The following TECRL variants were observed in gnomAD, a reference collection of about 807,000 sequenced individuals.
TECRL encodes trans-2,3-enoyl-CoA reductase-like.
In TECRL, 63 loss-of-function variants were observed where a neutral mutation model predicts 52.8. That is an observed-to-expected ratio of 1.19 (90% CI 0.97 to 1.47). The LOEUF (loss-of-function observed/expected upper bound fraction) is 1.47. Ranked by LOEUF, TECRL falls within the 40% of genes most tolerant of loss-of-function variation. The pLI is 0.00. For missense variants in TECRL, 482 were observed against 429.6 expected, an observed-to-expected ratio of 1.12 and a Z score of -1.08; for synonymous variants, 164 against 141.9, an observed-to-expected ratio of 1.16 and a Z score of -1.10.
intron 1 of TECRL, among the ~76,000 whole-genome samples, chr4:64,403,439 A>G (rs1234371693): frequency 6.6e-6 from 1 of 151,212 alleles, no homozygotes; most frequent in Non-Finnish European, 1.5e-5. Context: ...CTAGCAAGCA[A>G]GCAAGCAAAC....
chr4:64,402,538 C>A (rs1724424727), intron 1 of TECRL, among the ~76,000 whole-genome samples: 1 of 151,922 alleles, frequency 6.6e-6, no homozygotes, highest in Non-Finnish European at 1.5e-5. Flanking sequence ...CCCTAAGTGG[C>A]ACATAAAGGA....
At chr4:64,300,970 T>A (rs1723986167) in intron 7 of TECRL, among the ~76,000 whole-genome samples, 1 of 150,984 alleles carries the variant, frequency 6.6e-6, no homozygotes, top group Non-Finnish European at 1.5e-5. Context: ...ATAAATCTTT[T>A]ACTAAATTTT....
chr4:64,286,131 C>T (rs1050995519), intron 9 of TECRL, among the ~76,000 whole-genome samples: 27 of 151,730 alleles, frequency 1.8e-4, no homozygotes, highest in African/African-American at 6.3e-4. Context: ...AAAACTAACC[C>T]CCCACAAGGA....
chr4:64,332,598 T>G (rs1433657403), intron 2 of TECRL, among the ~76,000 whole-genome samples: 1 of 152,162 alleles, frequency 6.6e-6, no homozygotes, highest in Non-Finnish European at 1.5e-5. Flanking sequence ...GATAAAGTTT[T>G]CATACACAAT....
At position 64,322,747 on chromosome 4, in the gene TECRL, G is replaced by A. The variant is rs758525510; in HGVS notation, c.377C>T (p.Ala126Val). The change falls in exon 4 of 12, where the codon GCT becomes GTT. Residue 126 changes from alanine (A) to valine (V), a missense_variant. Coordinates refer to ENST00000381210, the MANE Select transcript of TECRL (RefSeq NM_001010874.5). The part of the protein sequence containing the change: ...KDYITIQSIA[A>V]SSIVTLYATD... ...AGCATACAGTGTGACAATGGAGGAA[G>A]CTGCAATACTTTGAATGGTAATGTA... is the stretch of plus-strand genomic sequence containing the variant. The A allele has an allele frequency of 1.9e-6, 3 of 1,612,252 alleles. No individual in the cohort carries two copies. Among genetic ancestry groups the A allele is most frequent in the African/African-American group, 1.3e-5 (1 of 74,850 alleles).
chr4:64,300,867 TG>T lies in TECRL; in HGVS notation c.731-851del, dbSNP rs559687803. Among the ~76,000 whole-genome samples the T allele has an allele frequency of 2.1e-4, 31 of 151,134 alleles. No individual in the cohort carries two copies. In the Middle Eastern group the frequency reaches 0.021, roughly 101 times the overall value. Reference sequence around the variant, plus strand: ...TGAATCTTCATAATAATGCAAGACATGGCTAGCTCTTAAAACATTAATCATA... The same window carrying T: ...TGAATCTTCATAATAATGCAAGACATGCTAGCTCTTAAAACATTAATCATA... On this transcript the variant is annotated intron_variant, in intron 7 of 11. Transcript: ENST00000381210.
rs370098869 is a variant in TECRL at position 64,293,205 on chromosome 4, T to A, written c.775-3438A>T. ...AATCAGTGTCTACACACAAAAATAA[T>A]CTTTTGCTTAAATAAATACTTTGGT... is the stretch of plus-strand genomic sequence containing the variant. On this transcript the variant is annotated intron_variant, in intron 8 of 11. Coordinates refer to ENST00000381210, the MANE Select transcript of TECRL (RefSeq NM_001010874.5). 4.6e-5 allele frequency among the ~76,000 whole-genome samples: 7 copies of A among 152,194 alleles called. No homozygotes were observed. In the South Asian group the frequency reaches 1.5e-3, roughly 32 times the overall value.
At chr4:64,391,742 C>G (rs1455967275) in intron 1 of TECRL, among the ~76,000 whole-genome samples, 1 of 151,736 alleles carries the variant, frequency 6.6e-6, no homozygotes, top group East Asian at 1.9e-4. Flanking sequence ...ATTGAATGCT[C>G]TTATGTGAAC....
At chr4:64,381,039 G>T (rs554430331) in intron 1 of TECRL, among the ~76,000 whole-genome samples, 2 of 152,154 alleles carry the variant, frequency 1.3e-5, no homozygotes, top group African/African-American at 4.8e-5. Context: ...AGCATCAGAT[G>T]TCTTTCCATT....
intron 2 of TECRL, among the ~76,000 whole-genome samples, chr4:64,365,710 C>T (rs1024613647): frequency 7.2e-5 from 11 of 151,802 alleles, no homozygotes; most frequent in African/African-American, 2.7e-4. Flanking sequence ...TTACAAAACA[C>T]TGCTGAAGGC....
At chr4:64,283,474 T>C (rs1722931976) in intron 9 of TECRL, among the ~76,000 whole-genome samples, 2 of 152,066 alleles carry the variant, frequency 1.3e-5, no homozygotes, top group South Asian at 4.1e-4. Flanking sequence ...AATCCAAGTG[T>C]AAAAATCTTT....
intron 8 of TECRL, among the ~76,000 whole-genome samples, chr4:64,292,221 T>C (rs575224251): frequency 6.6e-6 from 1 of 152,146 alleles, no homozygotes; most frequent in African/African-American, 2.4e-5. Context: ...GCATGACATA[T>C]ATTTCTCCTG....
At chr4:64,345,101 T>C (rs887896405) in intron 2 of TECRL, among the ~76,000 whole-genome samples, 14 of 152,196 alleles carry the variant, frequency 9.2e-5, no homozygotes, top group African/African-American at 3.4e-4. Context: ...ACTTTTACAC[T>C]GTTGGTGGGA....
intron 1 of TECRL, among the ~76,000 whole-genome samples, chr4:64,403,421 A>AAAGCAAGCTAGC (rs1724491453): frequency 6.6e-6 from 1 of 151,788 alleles, no homozygotes; most frequent in Non-Finnish European, 1.5e-5. Context: ...TCAAAATAAG[A>AAAGCAAGCTAGC]AAGCAAGCTA....
intron 3 of TECRL, among the ~76,000 whole-genome samples, chr4:64,326,755 G>T (rs1718293769): frequency 6.6e-6 from 1 of 152,022 alleles, no homozygotes; most frequent in South Asian, 2.1e-4. Flanking sequence ...GAGACACAGA[G>T]CTAAAGAACT....
At chr4:64,336,397 C>A (rs1276658494) in intron 2 of TECRL, among the ~76,000 whole-genome samples, 1 of 151,866 alleles carries the variant, frequency 6.6e-6, no homozygotes, top group African/African-American at 2.4e-5. Flanking sequence ...TTTGAATCTT[C>A]TCTCTTCTTT....
chr4:64,345,822 G>A (rs748159152), intron 2 of TECRL, among the ~76,000 whole-genome samples: 113 of 136,736 alleles, frequency 8.3e-4, no homozygotes, highest in Non-Finnish European at 1.4e-3. Context: ...ATGGTTGCAG[G>A]TAATCTTTTC....
chr4:64,334,113 T>A (rs1718874037), intron 2 of TECRL, among the ~76,000 whole-genome samples: 1 of 151,446 alleles, frequency 6.6e-6, no homozygotes, highest in African/African-American at 2.4e-5. Flanking sequence ...TTATTAGAAT[T>A]GTTATACTCC....
intron 1 of TECRL, among the ~76,000 whole-genome samples, chr4:64,376,952 T>A (rs747974979): frequency 1.3e-5 from 2 of 151,962 alleles, no homozygotes; most frequent in African/African-American, 2.4e-5. Flanking sequence ...AAAACCAGAG[T>A]AAGATCAAAG....
Sources: allele counts gnomAD v4.1 joint callset (sites outside exome capture counted in the v4.1 genomes callset), GRCh38; gene constraint gnomAD v4.1.1; transcripts MANE v1.5; gene names NCBI Gene and HGNC (gene_info 2026-07-23, HGNC 2026-07-21).